Variants in DSCAML1 observed in about 807,000 individuals in gnomAD.
DSCAML1 encodes the protein DS cell adhesion molecule like 1, also known as cell adhesion molecule DSCAML1.
Under a neutral mutation model 200.5 loss-of-function variants are expected in DSCAML1, and 38 were observed. The observed-to-expected ratio is 0.19, with a 90% CI of 0.15 to 0.25. The LOEUF is 0.25. Among genes scored for constraint, DSCAML1 ranks in the 10% least tolerant of loss-of-function variants. DSCAML1 has a pLI of 1.00. For missense variants in DSCAML1, 2,223 were observed against 2,858.8 expected, an observed-to-expected ratio of 0.78 and a Z score of 5.07; for synonymous variants, 1,215 against 1,165.0, an observed-to-expected ratio of 1.04 and a Z score of -0.87.
chr11:117,590,050 G>T (rs1198023010), intron 3 of DSCAML1, among the ~76,000 whole-genome samples: 1 of 152,050 alleles, frequency 6.6e-6, no homozygotes, highest in Admixed American at 6.5e-5. Flanking sequence ...TATCTGCATT[G>T]TTATTTATTT....
chr11:117,526,322 C>G (rs938012722), intron 4 of DSCAML1, among the ~76,000 whole-genome samples: 1 of 152,170 alleles, frequency 6.6e-6, no homozygotes, highest in South Asian at 2.1e-4. Flanking sequence ...TCCATGGAAG[C>G]CTGCGGTGGT....
intron 3 of DSCAML1, among the ~76,000 whole-genome samples, chr11:117,630,419 A>T (rs942051264): frequency 1.3e-5 from 2 of 152,098 alleles, no homozygotes; most frequent in African/African-American, 4.8e-5. Flanking sequence ...CCTGGCAGTG[A>T]GTTCTGCCAT....
intron 3 of DSCAML1, among the ~76,000 whole-genome samples, chr11:117,726,956 G>A (rs113663146): frequency 2.5e-4 from 38 of 152,254 alleles, no homozygotes; most frequent in African/African-American, 8.9e-4. Context: ...TGGGGCCATA[G>A]CATGCTACAA....
chr11:117,525,206 TC>T, intron 4 of DSCAML1, 123 bp from the exon 5 acceptor site: 1 of 1,219,510 alleles, frequency 8.2e-7, no homozygotes, highest in Non-Finnish European at 1.1e-6. Context: ...GCGAGCAGTT[TC>T]CAGGGCGGCT....
chr11:117,453,828 C>G (rs1196611352), intron 19 of DSCAML1, among the ~76,000 whole-genome samples: 1 of 150,854 alleles, frequency 6.6e-6, no homozygotes, highest in African/African-American at 2.4e-5. Context: ...ACTGCAACCT[C>G]CGCCTCCTGG....
chr11:117,543,319 G>C (rs2137371680), intron 3 of DSCAML1, among the ~76,000 whole-genome samples: 1 of 152,306 alleles, frequency 6.6e-6, no homozygotes, highest in Non-Finnish European at 1.5e-5. Context: ...ACCTGCACTG[G>C]CTTGTGAACC....
chr11:117,657,405 T>C (rs1006808540), intron 3 of DSCAML1, among the ~76,000 whole-genome samples: 6 of 152,186 alleles, frequency 3.9e-5, no homozygotes, highest in Non-Finnish European at 7.3e-5. Context: ...CCACCTTCCC[T>C]GGCCAGTAAA....
At chr11:117,691,874 G>C (rs1016962206) in intron 3 of DSCAML1, among the ~76,000 whole-genome samples, 2 of 152,110 alleles carry the variant, frequency 1.3e-5, no homozygotes, top group Non-Finnish European at 2.9e-5. Context: ...CCCACCCGAG[G>C]GTGGGTGGGG....
chr11:117,756,416 A>G (rs1412420645), intron 3 of DSCAML1, among the ~76,000 whole-genome samples: 1 of 152,188 alleles, frequency 6.6e-6, no homozygotes, highest in Non-Finnish European at 1.5e-5. Context: ...AGCATCCGTG[A>G]AACTCAGAGC....
chr11:117,529,294 T>C (rs1592700536), intron 4 of DSCAML1, among the ~76,000 whole-genome samples: 1 of 152,152 alleles, frequency 6.6e-6, no homozygotes, highest in Non-Finnish European at 1.5e-5. Flanking sequence ...GCCAGGCTGG[T>C]CTTGAACTCC....
At chr11:117,768,925 A>T (rs757157420) in intron 3 of DSCAML1, among the ~76,000 whole-genome samples, 1 of 150,940 alleles carries the variant, frequency 6.6e-6, no homozygotes, top group Non-Finnish European at 1.5e-5. Context: ...AAAATACAAA[A>T]ATTAGCCAGG....
chr11:117,475,686 C>T (rs1291825506), intron 14 of DSCAML1, among the ~76,000 whole-genome samples: 1 of 152,232 alleles, frequency 6.6e-6, no homozygotes, highest in African/African-American at 2.4e-5. Flanking sequence ...TGAAGTTCCT[C>T]TGCACTCTGT....
chr11:117,691,040 C>T (rs2053484946), intron 3 of DSCAML1, among the ~76,000 whole-genome samples: 1 of 152,178 alleles, frequency 6.6e-6, no homozygotes, highest in African/African-American at 2.4e-5. Context: ...GGATCTCTGT[C>T]CCCCAGATGT....
chr11:117,639,614 C>A (rs939808454), intron 3 of DSCAML1, among the ~76,000 whole-genome samples: 1 of 152,098 alleles, frequency 6.6e-6, no homozygotes, highest in Non-Finnish European at 1.5e-5. Flanking sequence ...CTGAAGAGGT[C>A]CCCCATCCTT....
rs190869459 is a variant in DSCAML1, at chr11:117,677,328, G to A, written c.511+99463C>T. ...CTGAGCCCATCACAGCTCCAGTCTG[G>A]GTAAAATAAATAGAATGGGCATCGA... On this transcript the variant is annotated intron_variant, in intron 3 of 32. Transcript: ENST00000651296. Among the ~76,000 whole-genome samples, 142 of 152,268 alleles carry A rather than the reference G, an allele frequency of 9.3e-4. 1 individual carries two copies. The highest frequency in any genetic ancestry group is 2.7e-3 in the Admixed American group (41 of 15,300).
At chr11:117,507,266 C>T (rs1643505654) in intron 8 of DSCAML1, among the ~76,000 whole-genome samples, 2 of 152,176 alleles carry the variant, frequency 1.3e-5, no homozygotes, top group African/African-American at 4.8e-5. Context: ...GCACAGTCCT[C>T]TAGCCTTCTC....
chr11:117,486,046 C>T (rs2049041491), intron 11 of DSCAML1, among the ~76,000 whole-genome samples: 1 of 152,228 alleles, frequency 6.6e-6, no homozygotes, highest in Non-Finnish European at 1.5e-5. Flanking sequence ...GACTACCTCA[C>T]ATGTACAAGT....
chr11:117,432,341 A>G lies in DSCAML1; in HGVS notation c.5179+11T>C. 6.2e-7 allele frequency: 1 copy of G among 1,610,354 alleles called. No individual in the cohort carries two copies. The highest frequency in any genetic ancestry group is 8.5e-7 in the Non-Finnish European group (1 of 1,178,520). On this transcript the variant is annotated intron_variant, in intron 30 of 32. Transcript: ENST00000651296. ...TGGGAAAAGGGCTGTCTCCCTGGGG[A>G]TAATGCGTACTGGTTCCTGGCCGGA...
intron 3 of DSCAML1, among the ~76,000 whole-genome samples, chr11:117,643,795 T>A (rs1027755685): frequency 4.6e-5 from 7 of 152,100 alleles, no homozygotes; most frequent in African/African-American, 1.7e-4. Context: ...CAGGCTCCAG[T>A]GTCCTCACAC....
Sources: gnomAD v4.1 joint callset for allele counts (sites outside exome capture counted in the v4.1 genomes callset) on GRCh38, gnomAD v4.1.1 for gene constraint, MANE v1.5 for transcripts, NCBI Gene and HGNC (gene_info 2026-07-23, HGNC 2026-07-21) for gene names.